DST: variants seen among roughly 807,000 people sequenced by gnomAD.
DST encodes dystonin, also known as bullous pemphigoid antigen.
DST carries 253 observed loss-of-function variants against 875.2 expected under a neutral mutation model. The ratio of observed to expected loss-of-function variants is 0.29; its 90% CI spans 0.26 to 0.32. The LOEUF (loss-of-function observed/expected upper bound fraction) is 0.32, where lower values mean the gene tolerates loss of function less well. Ranked by LOEUF, DST falls within the 10% of genes least tolerant of loss-of-function variation. The probability of loss-of-function intolerance (pLI) is 1.00; values close to 1 mark genes in which losing one functional copy is unlikely to be tolerated. For missense variants in DST, 8,287 were observed against 9,111.6 expected, an observed-to-expected ratio of 0.91 and a Z score of 3.68; for synonymous variants, 3,124 against 3,197.1, an observed-to-expected ratio of 0.98 and a Z score of 0.77.
At chr6:56,813,445 C>T (rs543863641) in intron 4 of DST, among the ~76,000 whole-genome samples, 41 of 151,488 alleles carry the variant, frequency 2.7e-4, no homozygotes, top group African/African-American at 9.4e-4. Flanking sequence ...TTTTAAAATT[C>T]GATGTTAATA....
intron 49 of DST, among the ~76,000 whole-genome samples, chr6:56,579,682 G>A (rs1209595140): frequency 2.0e-5 from 3 of 152,156 alleles, no homozygotes; most frequent in Non-Finnish European, 2.9e-5. Flanking sequence ...ACACAAAGAT[G>A]AGGACAGAAG....
chr6:56,860,229 C>T (rs1318199865), intron 3 of DST, among the ~76,000 whole-genome samples: 2 of 152,040 alleles, frequency 1.3e-5, no homozygotes, highest in African/African-American at 4.8e-5. Flanking sequence ...TTTGGAGCCC[C>T]TGGCATGAAG....
chr6:56,582,317 G>A (rs2098020895), intron 49 of DST, among the ~76,000 whole-genome samples: 1 of 152,092 alleles, frequency 6.6e-6, no homozygotes, highest in South Asian at 2.1e-4. Context: ...TCATCATCTT[G>A]GTGCTGTCCT....
chr6:56,709,989 G>C (rs907989750), intron 5 of DST, among the ~76,000 whole-genome samples: 3 of 152,126 alleles, frequency 2.0e-5, no homozygotes, highest in Non-Finnish European at 4.4e-5. Flanking sequence ...ACGATGCGCC[G>C]GTGGACATAG....
chr6:56,641,141 G>A (rs996187853), intron 17 of DST, among the ~76,000 whole-genome samples: 4 of 151,748 alleles, frequency 2.6e-5, no homozygotes, highest in African/African-American at 9.7e-5. Flanking sequence ...GAGAGAGAGA[G>A]AGAGAGAGGT....
chr6:56,749,896 T>G (rs1375656981), intron 4 of DST, among the ~76,000 whole-genome samples: 1 of 152,170 alleles, frequency 6.6e-6, no homozygotes, highest in African/African-American at 2.4e-5. Flanking sequence ...ACAGCTGGTA[T>G]GGACAACTGC....
At chr6:56,644,415 T>C (rs2098930480) in intron 15 of DST, among the ~76,000 whole-genome samples, 1 of 152,210 alleles carries the variant, frequency 6.6e-6, no homozygotes. Flanking sequence ...CGTTGAATCC[T>C]GAAGTCAATG....
chr6:56,827,175 G>C (rs1022136470), intron 4 of DST, among the ~76,000 whole-genome samples: 1 of 152,096 alleles, frequency 6.6e-6, no homozygotes, highest in African/African-American at 2.4e-5. Flanking sequence ...TTTAAGTAAA[G>C]GTTAGGTCAT....
chr6:56,641,736 C>T lies in DST; in HGVS notation c.2027+211G>A, dbSNP rs2180148. On this transcript the variant is annotated intron_variant, in intron 17 of 103. Coordinates refer to ENST00000680361, the MANE Select transcript of DST (RefSeq NM_001374736.1). Reference sequence around the variant, plus strand: ...AGTTAGTTACTGCAGCAGTATTATACGCACCATAAAATATTTTTTCTATTG... The same window carrying T: ...AGTTAGTTACTGCAGCAGTATTATATGCACCATAAAATATTTTTTCTATTG... Among the ~76,000 whole-genome samples, 16,568 of 152,026 alleles carry T rather than the reference C, an allele frequency of 0.11. 1,882 individuals are homozygous for T. The highest frequency in any genetic ancestry group is 0.29 in the African/African-American group (12,158 of 41,390).
chr6:56,504,567 C>T (rs916012221), intron 77 of DST, among the ~76,000 whole-genome samples: 1 of 152,086 alleles, frequency 6.6e-6, no homozygotes, highest in Admixed American at 6.6e-5. Flanking sequence ...TAAGATCCTG[C>T]ACATATAAAT....
At chr6:56,870,003 G>A (rs979802703) in intron 3 of DST, among the ~76,000 whole-genome samples, 1 of 151,412 alleles carries the variant, frequency 6.6e-6, no homozygotes, top group Non-Finnish European at 1.5e-5. Flanking sequence ...TTTTTTTTTA[G>A]ATTTCCCTGG....
rs200798191 is a variant in DST, at chr6:56,597,844, T to C, written c.12091A>G (p.Ile4031Val). Reference protein sequence around the residue: ...HFQEGDGKSAIGEEDEVNGNL... With the variant: ...HFQEGDGKSAVGEEDEVNGNL... Reference sequence around the variant, plus strand: ...CCATTAACTTCATCCTCTTCTCCAATTGCTGACTTGCCATCACCTTCTTGA... The same window carrying C: ...CCATTAACTTCATCCTCTTCTCCAACTGCTGACTTGCCATCACCTTCTTGA... Residue 4031 changes from isoleucine to valine, a missense_variant, in exon 47 of 104, where the codon ATT becomes GTT. Transcript: ENST00000680361. 5.8e-5 allele frequency: 94 copies of C among 1,613,864 alleles called. No homozygotes were observed. The South Asian group carries it at 7.8e-4, about 13-fold the overall frequency.
chr6:56,614,238 G>T, intron 37 of DST, 118 bp downstream of exon 37: 1 of 872,796 alleles, frequency 1.1e-6, no homozygotes, highest in Non-Finnish European at 1.6e-6. Flanking sequence ...GCATTATATT[G>T]GGCTATAACA....
At chr6:56,658,313 T>C (rs543062878) in intron 10 of DST, among the ~76,000 whole-genome samples, 39 of 152,354 alleles carry the variant, frequency 2.6e-4, no homozygotes, top group African/African-American at 7.7e-4. Flanking sequence ...TCCTGTGATT[T>C]AGTCCTAATT....
At chr6:56,657,843 G>A (rs921586281) in intron 10 of DST, among the ~76,000 whole-genome samples, 8 of 152,082 alleles carry the variant, frequency 5.3e-5, no homozygotes, top group Non-Finnish European at 1.0e-4. Flanking sequence ...TCAGCTCACT[G>A]CAACCTCAGC....
chr6:56,827,518 A>AC (rs2099782176), intron 4 of DST, among the ~76,000 whole-genome samples: 1 of 151,594 alleles, frequency 6.6e-6, no homozygotes, highest in Non-Finnish European at 1.5e-5. Flanking sequence ...AAAAAAAAAA[A>AC]AAAAAAAAAG....
chr6:56,473,781 C>T lies in DST; in HGVS notation c.21994+92G>A, dbSNP rs1231889098. 2.3e-6 allele frequency: 3 copies of T among 1,281,366 alleles called. No homozygotes were observed. In the East Asian group the frequency reaches 7.6e-5, roughly 33 times the overall value. 79.4% of individuals were successfully genotyped at this position (1,281,366 alleles called of 1,614,324 possible). A position where few individuals can be genotyped will look rare whatever the true frequency, so the allele number is the denominator to read the frequency against. Reference sequence around the variant, plus strand: ...ATGATATCAAGTGCTCATGTAAAATCACCAATTGCCCCCAAATTTCAAATA... The same window carrying T: ...ATGATATCAAGTGCTCATGTAAAATTACCAATTGCCCCCAAATTTCAAATA... On this transcript the variant is annotated intron_variant, in intron 93 of 103. Transcript: ENST00000680361.
Position 56,553,388 on chromosome 6 carries a change from G to A in DST, c.15404C>T (p.Ala5135Val). ...AATTGTATTAAGCTGTAACTGTAAG[G>A]CTGCCTTCTCAGACCCTTGTGTTTT... The part of the protein sequence containing the change: ...LLKTQGSEKA[A>V]LQLQLNTIKT... Residue 5135 changes from alanine to valine, a missense_variant, in exon 61 of 104, where the codon GCC (alanine) becomes GTC (valine). Coordinates refer to ENST00000680361, the MANE Select transcript of DST (RefSeq NM_001374736.1). 5 of 1,603,534 alleles carry A rather than the reference G, an allele frequency of 3.1e-6. No homozygotes were observed. The highest frequency in any genetic ancestry group is 1.7e-4 in the Middle Eastern group (1 of 5,986).
chr6:56,781,746 C>A (rs908507113), intron 4 of DST, among the ~76,000 whole-genome samples: 11 of 152,092 alleles, frequency 7.2e-5, no homozygotes, highest in African/African-American at 2.7e-4. Context: ...CTGGCCAGAA[C>A]TTTCAACACT....
Sources: allele counts gnomAD v4.1 joint callset (sites outside exome capture counted in the v4.1 genomes callset), GRCh38; gene constraint gnomAD v4.1.1; transcripts MANE v1.5; gene names NCBI Gene and HGNC (gene_info 2026-07-23, HGNC 2026-07-21).